MAGIX: variants seen among roughly 807,000 people sequenced by gnomAD.
MAGIX encodes the protein PDZ domain-containing protein MAGIX.
In MAGIX, 13 loss-of-function variants were observed where a neutral mutation model predicts 10.0. That is an observed-to-expected ratio of 1.30 (90% CI 0.84 to 2.06). The LOEUF (loss-of-function observed/expected upper bound fraction) is 2.06. Ranked by LOEUF, MAGIX falls within the 30% of genes most tolerant of loss-of-function variation. MAGIX has a pLI of 0.00. For missense variants in MAGIX, 235 were observed against 245.2 expected (o/e 0.96, Z 0.28); for synonymous variants, 108 against 106.8 (o/e 1.01, Z -0.07).
chrX:49,165,087 G>A (rs2065357101), exon 3 of MAGIX: 1 of 1,203,237 alleles, frequency 8.3e-7, no homozygotes, highest in African/African-American at 1.7e-5. Context: ...GTGGTCGTTT[G>A]GAGGTGAGCC....
At position 49,166,346 on chromosome X, in the gene MAGIX, CG is replaced by C; in HGVS notation, c.781del (p.Ala261GlnfsTer124). 1.7e-6 allele frequency: 2 copies of C among 1,163,993 alleles called. No homozygotes were observed. Among genetic ancestry groups the C allele is most frequent in the East Asian group, 3.2e-5 (1 of 30,936 alleles). On this transcript the variant is annotated frameshift_variant, in exon 5 of 5. Transcript: ENST00000616266. LOFTEE classifies it high-confidence loss of function. ...ACGGCTCTCGCGGGCCCTAGGGGTC[CG>C]GGGGGCAGCGCAGCTCGCTCAGGAG...
At chrX:49,165,937 C>G (rs1184618662) in intron 4 of MAGIX, 137 bp from the exon 6 acceptor site, 1 of 565,792 alleles carries the variant, frequency 1.8e-6, no homozygotes. Context: ...GGGGTGGTGC[C>G]GATCCCAGAA....
intron 4 of MAGIX, 110 bp from the exon 6 acceptor site, chrX:49,165,964 T>G: frequency 2.7e-6 from 2 of 750,969 alleles, no homozygotes; most frequent in Non-Finnish European, 3.9e-6. Flanking sequence ...GAGGGGAGAT[T>G]TCTCTAAGGG....
intron 1 of MAGIX, 65 bp downstream of exon 1, chrX:49,163,003 T>A: frequency 2.6e-6 from 1 of 381,259 alleles, no homozygotes; most frequent in Middle Eastern, 7.8e-4. Flanking sequence ...CCCGCCTGTC[T>A]GCTCCACACC....
exon 5 of MAGIX, chrX:49,167,530 G>T (rs2065375986): frequency 8.8e-6 from 1 of 113,393 alleles, no homozygotes; most frequent in African/African-American, 3.2e-5. Flanking sequence ...AAGGAAGAAA[G>T]AATTTAAAGG....
At chrX:49,164,757 C>T in exon 3 of MAGIX, 1 of 1,211,922 alleles carries the variant, frequency 8.3e-7, no homozygotes, top group South Asian at 1.8e-5. Flanking sequence ...CAGTCGCCTG[C>T]CTCATGCCAC....
intron 1 of MAGIX, chrX:49,163,223 T>C (rs1306733097): frequency 1.7e-5 from 3 of 172,180 alleles, no homozygotes; most frequent in African/African-American, 1.1e-4. Flanking sequence ...CCGTGGTCAC[T>C]GGGGACACCT....
exon 5 of MAGIX, chrX:49,167,883 T>A (rs1399231946): frequency 8.9e-6 from 1 of 112,157 alleles, no homozygotes; most frequent in Non-Finnish European, 1.9e-5. Context: ...TAGTTGCACA[T>A]CTACTCAACT....
chrX:49,168,686 A>G (rs2065381077), downstream of MAGIX, among the ~76,000 whole-genome samples: 3 of 95,451 alleles, frequency 3.1e-5, 1 homozygote, highest in South Asian at 1.7e-3. Context: ...CTGAGGTGGG[A>G]GGATCACTTG....
At chrX:49,164,094 G>T (rs1206268267) in intron 2 of MAGIX, 165 bp downstream of exon 2, 3 of 410,155 alleles carry the variant, frequency 7.3e-6, no homozygotes, top group African/African-American at 5.3e-5. Flanking sequence ...GGAGCCTTGG[G>T]GTTATTCTAG....
rs2065358964 is a variant in MAGIX at position 49,165,266 on chromosome X, G to A, written c.407G>A (p.Arg136Gln). The A allele has an allele frequency of 3.4e-6, 4 of 1,181,903 alleles. No homozygotes were observed. In the African/African-American group the frequency reaches 5.3e-5, roughly 16 times the overall value. The change falls in exon 4 of 5, where the codon CGA (arginine) becomes CAA (glutamine). Residue 136 changes from arginine (R) to glutamine (Q), a missense_variant. By Grantham distance (43) the Arg-to-Gln change is conservative. Coordinates refer to ENST00000616266, the Ensembl canonical transcript of MAGIX. The stretch of plus-strand genomic sequence containing the variant: ...CATGCCCAGGCCGTGGAGCGGATCC[G>A]AGCTGGAGGCCCCCAGCTCCACCTG...
exon 2 of MAGIX, chrX:49,163,787 C>A: frequency 9.6e-7 from 1 of 1,046,558 alleles, no homozygotes; most frequent in Non-Finnish European, 1.2e-6. Flanking sequence ...GCGCAGGCCG[C>A]GGCCCCTCCC....
intron 1 of MAGIX, chrX:49,162,923 AG>A: frequency 3.8e-6 from 3 of 784,958 alleles, no homozygotes; most frequent in Non-Finnish European, 3.5e-6. Flanking sequence ...CGCGGACCCT[AG>A]GGGGAGCAGA....
At position 49,163,836 on chromosome X, in the gene MAGIX, T is replaced by C. The variant is rs111609190; in HGVS notation, c.-148T>C. 5 of 1,038,064 alleles carry C rather than the reference T, an allele frequency of 4.8e-6. No homozygotes were observed. The African/African-American group carries it at 8.1e-5, about 17-fold the overall frequency. The allele number at this position is 1,038,064 out of a possible 1,213,427, so 85.5% of individuals were successfully genotyped here. A position where few individuals can be genotyped will look rare whatever the true frequency, so the allele number is the denominator to read the frequency against. ...TAGCGCCCGGCAGCTCCTGGCGCGG[T>C]TGGACGCGCGCCCCCTGGCGGCGCG... On this transcript the variant is annotated 5_prime_UTR_variant, in exon 2 of 5. Coordinates refer to ENST00000616266, the Ensembl canonical transcript of MAGIX.
chrX:49,164,160 A>C, intron 2 of MAGIX: 1 of 294,792 alleles, frequency 3.4e-6, no homozygotes, highest in African/African-American at 2.8e-5. Flanking sequence ...GAGAGTGCGG[A>C]ACTGGACCCC....
rs1312340702 is a variant in MAGIX at position 49,162,918 on chromosome X, A to G, written c.-202+173A>G. 2.7e-5 allele frequency: 22 copies of G among 821,220 alleles called. No homozygotes were observed. The Admixed American group carries it at 8.8e-4, about 33-fold the overall frequency. 67.7% of individuals were successfully genotyped at this position (821,220 alleles called of 1,213,427 possible). On this transcript the variant is annotated intron_variant, in intron 1 of 4. Coordinates refer to ENST00000616266, the Ensembl canonical transcript of MAGIX. Reference sequence around the variant, plus strand: ...GAGCCGCGCACAGGGGACGCCGCGGACCCTAGGGGGAGCAGAGGAGGTACA... The same window carrying G: ...GAGCCGCGCACAGGGGACGCCGCGGGCCCTAGGGGGAGCAGAGGAGGTACA...
At chrX:49,166,365 C>T (rs1557098140) in exon 5 of MAGIX, 1 of 1,150,914 alleles carries the variant, frequency 8.7e-7, no homozygotes, top group Non-Finnish European at 1.2e-6. Context: ...GCGCAGCTCG[C>T]TCAGGAGATG....
chrX:49,168,517 G>T (rs782481951), downstream of MAGIX: 4 of 100,645 alleles, frequency 4.0e-5, no homozygotes, highest in African/African-American at 7.3e-5. Context: ...ATGGTGGTTT[G>T]TGCCTGTAAT....
At chrX:49,166,401 C>T in exon 5 of MAGIX, 2 of 1,121,945 alleles carry the variant, frequency 1.8e-6, no homozygotes, top group Non-Finnish European at 2.4e-6. Flanking sequence ...AGACACTGAG[C>T]CTACCTCTGA....
Sources: gnomAD v4.1 joint callset for allele counts (sites outside exome capture counted in the v4.1 genomes callset) on GRCh38, gnomAD v4.1.1 for gene constraint, MANE v1.5 for transcripts, NCBI Gene and HGNC (gene_info 2026-07-23, HGNC 2026-07-21) for gene names.